Variants in CDC5L observed in about 807,000 individuals in gnomAD.
The protein encoded by CDC5L is cell division cycle 5-like protein.
CDC5L carries 18 observed loss-of-function variants against 104.1 expected under a neutral mutation model. The ratio of observed to expected loss-of-function variants is 0.17; its 90% CI spans 0.12 to 0.26. CDC5L has a LOEUF of 0.26. Among genes scored for constraint, CDC5L ranks in the 10% least tolerant of loss-of-function variants. The probability of loss-of-function intolerance (pLI) is 1.00; values close to 1 mark genes in which losing one functional copy is unlikely to be tolerated. For missense variants in CDC5L, 673 were observed against 956.9 expected, an observed-to-expected ratio of 0.70 and a Z score of 3.91; for synonymous variants, 331 against 322.7, an observed-to-expected ratio of 1.03 and a Z score of -0.28.
chr6:44,393,649 T>C, intron 4 of CDC5L, 76 bp downstream of exon 4: 1 of 1,419,952 alleles, frequency 7.0e-7, no homozygotes, highest in African/African-American at 1.4e-5. Flanking sequence ...AGTTCCTTTC[T>C]GAACTCCTCT....
intron 14 of CDC5L, among the ~76,000 whole-genome samples, chr6:44,440,966 C>G (rs1355991337): frequency 6.6e-6 from 1 of 152,112 alleles, no homozygotes; most frequent in East Asian, 1.9e-4. Flanking sequence ...CCTCAGCCTC[C>G]CAAAGTGTTG....
chr6:44,437,847 A>G (rs918498751), intron 14 of CDC5L, among the ~76,000 whole-genome samples: 3 of 152,222 alleles, frequency 2.0e-5, no homozygotes, highest in Non-Finnish European at 4.4e-5. Flanking sequence ...AAAAAGCATT[A>G]TATGTATTAA....
intron 5 of CDC5L, among the ~76,000 whole-genome samples, chr6:44,398,884 G>A (rs1176109057): frequency 2.0e-5 from 3 of 152,130 alleles, no homozygotes; most frequent in Admixed American, 6.5e-5. Flanking sequence ...CATACTGTAC[G>A]GTTTTAATGA....
intron 5 of CDC5L, among the ~76,000 whole-genome samples, chr6:44,398,683 A>C (rs1335510586): frequency 2.0e-5 from 3 of 152,202 alleles, no homozygotes; most frequent in Non-Finnish European, 4.4e-5. Flanking sequence ...ATAATGCTAT[A>C]TGGCTTGGTT....
chr6:44,399,471 G>A (rs116744851), intron 5 of CDC5L, among the ~76,000 whole-genome samples: 1,790 of 152,082 alleles, frequency 0.012, 18 homozygotes, highest in Middle Eastern at 0.054. Flanking sequence ...CCCCTGTTCT[G>A]CTTATGTTGG....
intron 3 of CDC5L, 79 bp downstream of exon 3, chr6:44,392,907 T>A (rs754230396): frequency 6.0e-5 from 79 of 1,319,528 alleles, no homozygotes; most frequent in Non-Finnish European, 8.3e-5. Context: ...GTATTTTCTG[T>A]CTTTAAACTT....
Position 44,395,490 on chromosome 6 carries a change from G to A in CDC5L, c.440-851G>A, listed in dbSNP as rs554020351. Among the ~76,000 whole-genome samples the A allele has an allele frequency of 2.4e-4, 37 of 152,302 alleles. No homozygotes were observed. The South Asian group carries it at 7.2e-3, about 30-fold the overall frequency. Reference sequence around the variant, plus strand: ...TCTGAGCTTTGATTCCCTTTCTTGCGAGATGGGGAATACTAATACCTGCTT... The same window carrying A: ...TCTGAGCTTTGATTCCCTTTCTTGCAAGATGGGGAATACTAATACCTGCTT... On this transcript the variant is annotated intron_variant, in intron 4 of 15. Coordinates refer to ENST00000371477, the MANE Select transcript of CDC5L (RefSeq NM_001253.4).
intron 14 of CDC5L, among the ~76,000 whole-genome samples, chr6:44,443,795 G>A (rs561987097): frequency 6.6e-4 from 99 of 149,104 alleles, no homozygotes; most frequent in African/African-American, 2.3e-3. Flanking sequence ...TTTCCTGTTG[G>A]GTAAATCATA....
At chr6:44,412,128 A>G (rs1581650205) in intron 8 of CDC5L, among the ~76,000 whole-genome samples, 1 of 152,250 alleles carries the variant, frequency 6.6e-6, no homozygotes, top group African/African-American at 2.4e-5. Context: ...AGTGATGGAG[A>G]TGCTTCTGAT....
intron 14 of CDC5L, among the ~76,000 whole-genome samples, chr6:44,439,614 T>TG (rs1793090799): frequency 6.6e-6 from 1 of 152,220 alleles, no homozygotes; most frequent in African/African-American, 2.4e-5. Context: ...ATATTGAAGT[T>TG]GGAATTTTAA....
At chr6:44,397,653 G>A (rs1469682794) in intron 5 of CDC5L, among the ~76,000 whole-genome samples, 3 of 152,198 alleles carry the variant, frequency 2.0e-5, no homozygotes, top group Non-Finnish European at 4.4e-5. Flanking sequence ...TTGTATGACT[G>A]CCAATTAGTT....
At chr6:44,419,424 G>A (rs1337661567) in intron 8 of CDC5L, 25 bp from the exon 9 acceptor site, 4 of 1,611,766 alleles carry the variant, frequency 2.5e-6, no homozygotes. Flanking sequence ...TTTTAAACTT[G>A]CTTCTTTGTC....
At chr6:44,391,106 A>G (rs368722929) in intron 2 of CDC5L, among the ~76,000 whole-genome samples, 76 of 141,344 alleles carry the variant, frequency 5.4e-4, no homozygotes, top group South Asian at 1.3e-3. Context: ...TATGTTATAT[A>G]TTATATATTA....
intron 14 of CDC5L, among the ~76,000 whole-genome samples, chr6:44,432,309 G>T (rs1792724863): frequency 6.6e-6 from 1 of 152,094 alleles, no homozygotes; most frequent in Non-Finnish European, 1.5e-5. Flanking sequence ...CAGTTATATT[G>T]TATAAACTAA....
chr6:44,413,219 A>G (rs1252508529), intron 8 of CDC5L, among the ~76,000 whole-genome samples: 2 of 152,240 alleles, frequency 1.3e-5, no homozygotes, highest in Admixed American at 6.5e-5. Flanking sequence ...TATTCTGCAC[A>G]TATATGTAAA....
At chr6:44,416,281 G>A (rs1465050132) in intron 8 of CDC5L, among the ~76,000 whole-genome samples, 3 of 152,218 alleles carry the variant, frequency 2.0e-5, no homozygotes, top group East Asian at 1.9e-4. Context: ...CAGCCCTGGT[G>A]TGGAGTGAGT....
chr6:44,401,983 CTCA>C (rs1791150676), intron 5 of CDC5L, among the ~76,000 whole-genome samples: 1 of 131,268 alleles, frequency 7.6e-6, no homozygotes, highest in African/African-American at 2.8e-5. Flanking sequence ...AGGACATGAA[CTCA>C]TCATTTTTTA....
At chr6:44,427,817 A>G (rs2153382013) in intron 13 of CDC5L, among the ~76,000 whole-genome samples, 1 of 152,286 alleles carries the variant, frequency 6.6e-6, no homozygotes, top group Admixed American at 6.5e-5. Context: ...AAGTGAAAAT[A>G]TGAGGGGAAG....
intron 8 of CDC5L, among the ~76,000 whole-genome samples, chr6:44,416,351 T>C (rs1342088302): frequency 6.6e-6 from 1 of 152,166 alleles, no homozygotes. Context: ...GTTGACTCTT[T>C]GTCACTACTG....
Sources: allele counts gnomAD v4.1 joint callset (sites outside exome capture counted in the v4.1 genomes callset), GRCh38; gene constraint gnomAD v4.1.1; transcripts MANE v1.5; gene names NCBI Gene and HGNC (gene_info 2026-07-23, HGNC 2026-07-21).